CSMD2: variants seen among roughly 807,000 people sequenced by gnomAD.
The protein encoded by CSMD2 is CUB and sushi domain-containing protein 2.
CSMD2 carries 130 observed loss-of-function variants against 398.5 expected under a neutral mutation model. The observed-to-expected ratio is 0.33, with a 90% CI of 0.28 to 0.38. The LOEUF (loss-of-function observed/expected upper bound fraction) is 0.38, where lower values mean the gene tolerates loss of function less well. CSMD2 is among the 10% of genes least tolerant of loss of function. CSMD2 has a pLI of 1.00. For synonymous variants in CSMD2, 1,828 were observed against 1,908.5 expected (o/e 0.96, Z 1.10); for missense variants, 3,829 against 4,764.9 (o/e 0.80, Z 5.78).
At chr1:33,739,066 C>A in intron 15 of CSMD2, 74 bp downstream of exon 15, 4 of 1,448,906 alleles carry the variant, frequency 2.8e-6, no homozygotes, top group Non-Finnish European at 3.8e-6. Context: ...ACCACCATGG[C>A]CTGGGCTGCT....
intron 26 of CSMD2, among the ~76,000 whole-genome samples, chr1:33,661,333 G>A (rs535804462): frequency 2.0e-5 from 3 of 152,246 alleles, no homozygotes; most frequent in Non-Finnish European, 4.4e-5. Flanking sequence ...TTACTGCTGG[G>A]AGATCCTTCC....
At chr1:33,517,943 C>G (rs1210078577) in intron 70 of CSMD2, among the ~76,000 whole-genome samples, 1 of 152,242 alleles carries the variant, frequency 6.6e-6, no homozygotes, top group Non-Finnish European at 1.5e-5. Context: ...TTTGCAGGCA[C>G]CCTCATAAAA....
At chr1:33,665,460 CTTTT>C (rs745495781) in intron 25 of CSMD2, among the ~76,000 whole-genome samples, 268 of 73,906 alleles carry the variant, frequency 3.6e-3, no homozygotes, top group African/African-American at 0.012. Flanking sequence ...TTTCTTCTCT[CTTTT>C]TTTTTTTTTT....
At chr1:33,988,565 C>T (rs1038235646) in intron 3 of CSMD2, among the ~76,000 whole-genome samples, 8 of 152,190 alleles carry the variant, frequency 5.3e-5, no homozygotes, top group African/African-American at 1.9e-4. Flanking sequence ...GCCAGGTCTA[C>T]TATTATTATT....
chr1:33,617,882 C>T (rs541343282), intron 37 of CSMD2, among the ~76,000 whole-genome samples: 5 of 152,254 alleles, frequency 3.3e-5, no homozygotes, highest in African/African-American at 1.2e-4. Context: ...CTGTCCTGTC[C>T]ACTCACTGAG....
chr1:33,586,458 A>G (rs1446962826), intron 46 of CSMD2, 46 bp downstream of exon 46: 2 of 1,258,348 alleles, frequency 1.6e-6, no homozygotes, highest in East Asian at 4.7e-5. Flanking sequence ...AGCTTTGTTC[A>G]GGAGGAACTT....
At chr1:33,659,337 T>G (rs1274324704) in intron 26 of CSMD2, among the ~76,000 whole-genome samples, 1 of 152,118 alleles carries the variant, frequency 6.6e-6, no homozygotes, top group African/African-American at 2.4e-5. Flanking sequence ...TCTCAAGAGC[T>G]GGAACAACCC....
At chr1:33,942,006 T>C (rs1468829703) in intron 3 of CSMD2, among the ~76,000 whole-genome samples, 1 of 152,202 alleles carries the variant, frequency 6.6e-6, no homozygotes, top group Non-Finnish European at 1.5e-5. Flanking sequence ...GTCTTTTTTG[T>C]TCAACGCTGT....
intron 41 of CSMD2, among the ~76,000 whole-genome samples, chr1:33,609,754 G>GA (rs1399924070): frequency 2.0e-5 from 3 of 152,104 alleles, no homozygotes; most frequent in African/African-American, 7.2e-5. Context: ...TATATACCGA[G>GA]AAAAGCGGGG....
chr1:33,599,926 G>C (rs1640098746), intron 44 of CSMD2: 1 of 565,610 alleles, frequency 1.8e-6, no homozygotes. Context: ...CACCAGAGCA[G>C]ATACTGTAGC....
At chr1:33,739,357 C>T (rs1421539237) in intron 14 of CSMD2, 23 bp from the exon 15 acceptor site, 1 of 1,588,372 alleles carries the variant, frequency 6.3e-7, no homozygotes, top group South Asian at 1.1e-5. Context: ...AGTTCAAGGA[C>T]ATGATCAGAC....
chr1:33,799,084 A>G (rs956899366), intron 10 of CSMD2, among the ~76,000 whole-genome samples: 4 of 152,150 alleles, frequency 2.6e-5, no homozygotes, highest in African/African-American at 9.6e-5. Context: ...GCACCTCCCT[A>G]TCTCCTACAG....
At chr1:33,586,331 A>G (rs1294461474) in intron 46 of CSMD2, among the ~76,000 whole-genome samples, 173 bp downstream of exon 46, 1 of 152,204 alleles carries the variant, frequency 6.6e-6, no homozygotes, top group Non-Finnish European at 1.5e-5. Flanking sequence ...TAGAGTGATC[A>G]CTCACTCATT....
intron 25 of CSMD2, among the ~76,000 whole-genome samples, chr1:33,665,703 C>T (rs1024884503): frequency 4.6e-5 from 7 of 151,992 alleles, no homozygotes; most frequent in South Asian, 2.1e-4. Context: ...CCTGGGATTA[C>T]AGGTGTGAGC....
chr1:33,611,102 G>A lies in CSMD2; in HGVS notation c.6282C>T (p.Thr2094=). ...PSSLLSTSHE[T]TVYFHSDHSQ... ...AGTGGTCGCTGTGGAAATACACGGT[G>A]GTCTCGTGGGACGTGGAGAGGAGGG... Residue 2094 remains threonine, a synonymous_variant, in exon 41 of 71, where the codon ACC becomes ACT. Coordinates refer to ENST00000373381, the MANE Select transcript of CSMD2 (RefSeq NM_001281956.2). 1 of 1,614,104 alleles carries A rather than the reference G, an allele frequency of 6.2e-7. No individual in the cohort carries two copies. Among genetic ancestry groups the A allele is most frequent in the African/African-American group, 1.3e-5 (1 of 75,022 alleles).
chr1:33,979,532 G>A (rs187401169), intron 3 of CSMD2, among the ~76,000 whole-genome samples: 106 of 152,282 alleles, frequency 7.0e-4, no homozygotes, highest in African/African-American at 2.4e-3. Flanking sequence ...CTGGCAGAGC[G>A]ACTGTGAATG....
intron 5 of CSMD2, among the ~76,000 whole-genome samples, chr1:33,888,107 T>A (rs74224654): frequency 0.013 from 1,971 of 152,092 alleles, 48 homozygotes; most frequent in East Asian, 0.071. Flanking sequence ...TTATTCAAGA[T>A]CATTAAAAAA....
chr1:33,711,515 C>T (rs1188162217), intron 21 of CSMD2, among the ~76,000 whole-genome samples: 2 of 152,194 alleles, frequency 1.3e-5, no homozygotes, highest in Non-Finnish European at 2.9e-5. Flanking sequence ...GTAGCCTCTC[C>T]ACCAATGTCC....
At chr1:34,016,006 C>T (rs1558250217) in intron 3 of CSMD2, among the ~76,000 whole-genome samples, 1 of 134,580 alleles carries the variant, frequency 7.4e-6, no homozygotes, top group Non-Finnish European at 1.6e-5. Context: ...ACACTGGACT[C>T]CTTGCTCTGT....
Sources: allele counts gnomAD v4.1 joint callset (sites outside exome capture counted in the v4.1 genomes callset), GRCh38; gene constraint gnomAD v4.1.1; transcripts MANE v1.5; gene names NCBI Gene and HGNC (gene_info 2026-07-23, HGNC 2026-07-21).